MYT1: variants seen among roughly 807,000 people sequenced by gnomAD.
MYT1 encodes myelin transcription factor 1, also known as myelin transcription factor I.
Under a neutral mutation model 123.0 loss-of-function variants are expected in MYT1, and 23 were observed. The ratio of observed to expected loss-of-function variants is 0.19; its 90% CI spans 0.13 to 0.26. MYT1 has a LOEUF of 0.26. Ranked by LOEUF, MYT1 falls within the 10% of genes least tolerant of loss-of-function variation. The probability of loss-of-function intolerance (pLI) is 1.00; values close to 1 mark genes in which losing one functional copy is unlikely to be tolerated. For synonymous variants in MYT1, 518 were observed against 575.3 expected (o/e 0.90, Z 1.43); for missense variants, 1,125 against 1,472.5 (o/e 0.76, Z 3.86).
intron 1 of MYT1, among the ~76,000 whole-genome samples, chr20:64,188,045 A>G (rs1194794529): frequency 2.0e-5 from 3 of 152,216 alleles, no homozygotes; most frequent in South Asian, 2.1e-4. Context: ...TTCAGAGCCC[A>G]GGGCTGACTG....
chr20:64,235,239 G>A (rs868043930), intron 19 of MYT1, among the ~76,000 whole-genome samples: 16 of 55,840 alleles, frequency 2.9e-4, no homozygotes, highest in Non-Finnish European at 3.4e-4. Context: ...GGGGCTGGCC[G>A]TGGTATGTGA....
In MYT1 at chr20:64,167,768, C is replaced by G. The variant is rs1982126996; in HGVS notation, c.-99+3029C>G. ...CTTCCTCATCTTAGATCCTCCCCCT[C>G]TGCATTTTCCGTGTGAACTCCCTCA... On this transcript the variant is annotated intron_variant, in intron 1 of 22. Coordinates refer to ENST00000328439, the MANE Select transcript of MYT1 (RefSeq NM_004535.3). This position sits in a 1 kb window ranked among gnomAD's most constrained non-coding sequence, Gnocchi z 6.3. Among the ~76,000 whole-genome samples the G allele has an allele frequency of 6.6e-6, 1 of 152,242 alleles. No homozygotes were observed. The highest frequency in any genetic ancestry group is 2.4e-5 in the African/African-American group (1 of 41,458).
chr20:64,194,128 G>A (rs999725767), intron 2 of MYT1, among the ~76,000 whole-genome samples: 15 of 152,132 alleles, frequency 9.9e-5, no homozygotes, highest in African/African-American at 3.6e-4. Context: ...TAAATGACAT[G>A]CACTAAGCAG....
At chr20:64,224,895 G>A (rs958199013) in intron 16 of MYT1, among the ~76,000 whole-genome samples, 4 of 152,204 alleles carry the variant, frequency 2.6e-5, no homozygotes, top group African/African-American at 4.8e-5. Context: ...ATGCTTGGGC[G>A]GATGAAAGGA....
At chr20:64,223,057 TG>T in intron 14 of MYT1, 53 bp from the exon 15 acceptor site, 1 of 1,602,992 alleles carries the variant, frequency 6.2e-7, no homozygotes, top group Non-Finnish European at 8.5e-7. Context: ...AGGCTCAGCC[TG>T]GGGGGCAGGT....
At chr20:64,178,995 G>A (rs867015440) in intron 1 of MYT1, among the ~76,000 whole-genome samples, 6 of 146,128 alleles carry the variant, frequency 4.1e-5, no homozygotes, top group Middle Eastern at 3.6e-3. Flanking sequence ...ACCCTTCAAC[G>A]TGGGAGCACT....
At chr20:64,169,192 G>A (rs1982170648) in intron 1 of MYT1, among the ~76,000 whole-genome samples, 1 of 152,076 alleles carries the variant, frequency 6.6e-6, no homozygotes, top group South Asian at 2.1e-4. Flanking sequence ...GAGGAGAGTG[G>A]GAGTTTGGAT....
chr20:64,212,037 T>C lies in MYT1; in HGVS notation c.1427-11T>C. 6.2e-7 allele frequency: 1 copy of C among 1,611,354 alleles called. No homozygotes were observed. Among genetic ancestry groups the C allele is most frequent in the Non-Finnish European group, 8.5e-7 (1 of 1,177,884 alleles). The stretch of plus-strand genomic sequence containing the variant: ...CAGCCTCGGCTCCCTCCACCCCCTG[T>C]TCTCTTACAGTCTTAGCCATGCATG... On this transcript the variant is annotated splice_polypyrimidine_tract_variant and intron_variant, in intron 8 of 22. Transcript: ENST00000328439. The surrounding 1 kb of genome is among the most constrained non-coding windows in gnomAD (Gnocchi z 6.8).
intron 3 of MYT1, 121 bp downstream of exon 3, chr20:64,199,037 C>A: frequency 1.0e-6 from 1 of 982,996 alleles, no homozygotes; most frequent in Non-Finnish European, 1.5e-6. Flanking sequence ...CAGGCCTCTT[C>A]AGCCTCATTC....
Position 64,186,998 on chromosome 20 carries a change from C to T in MYT1, c.-98-3065C>T, listed in dbSNP as rs1398056198. Among the ~76,000 whole-genome samples the T allele has an allele frequency of 9.1e-5, 13 of 143,236 alleles. No homozygotes were observed. The highest frequency in any genetic ancestry group is 1.4e-4 in the Non-Finnish European group (9 of 66,260). The allele number at this position is 143,236 out of a possible 152,430, so 94.0% of individuals were successfully genotyped here. On this transcript the variant is annotated intron_variant, in intron 1 of 22. Coordinates refer to ENST00000328439, the MANE Select transcript of MYT1 (RefSeq NM_004535.3). This position sits in a 1 kb window ranked among gnomAD's most constrained non-coding sequence, Gnocchi z 4.3. ...AGAGTTTTCCTGTAGCCTGTGGCCC[C>T]GGCATCCACGTTTCCGTGGAGAGAT...
In MYT1 at chr20:64,185,290, A is replaced by C. The variant is rs1044820873; in HGVS notation, c.-98-4773A>C. On this transcript the variant is annotated intron_variant, in intron 1 of 22. Coordinates refer to ENST00000328439, the MANE Select transcript of MYT1 (RefSeq NM_004535.3). The surrounding 1 kb of genome is among the most constrained non-coding windows in gnomAD (Gnocchi z 4.5). Reference sequence around the variant, plus strand: ...AGATGGACAAGCTGGCTCAGCAGGGAGGCAAGACCCCATCTCCTGTGCTGG... The same window carrying C: ...AGATGGACAAGCTGGCTCAGCAGGGCGGCAAGACCCCATCTCCTGTGCTGG... Among the ~76,000 whole-genome samples, 1 of 152,136 alleles carries C rather than the reference A, an allele frequency of 6.6e-6. No individual in the cohort carries two copies. The highest frequency in any genetic ancestry group is 2.4e-5 in the African/African-American group (1 of 41,416).
chr20:64,166,443 G>A lies in MYT1; in HGVS notation c.-99+1704G>A, dbSNP rs1211761393. Among the ~76,000 whole-genome samples the A allele has an allele frequency of 6.6e-6, 1 of 152,168 alleles. No homozygotes were observed. Among genetic ancestry groups the A allele is most frequent in the East Asian group, 1.9e-4 (1 of 5,178 alleles). Reference sequence around the variant, plus strand: ...CTTGCTGATCCAGGAGCTTGAGCAGGAGCCACAGAGAGTTGGACAAAGAGG... The same window carrying A: ...CTTGCTGATCCAGGAGCTTGAGCAGAAGCCACAGAGAGTTGGACAAAGAGG... On this transcript the variant is annotated intron_variant, in intron 1 of 22. Coordinates refer to ENST00000328439, the MANE Select transcript of MYT1 (RefSeq NM_004535.3). The surrounding 1 kb of genome is among the most constrained non-coding windows in gnomAD (Gnocchi z 4.9).
intron 18 of MYT1, among the ~76,000 whole-genome samples, chr20:64,228,681 G>A (rs77149260): frequency 0.11 from 16,874 of 152,206 alleles, 979 homozygotes; most frequent in Middle Eastern, 0.13. Context: ...AATAGGGAAC[G>A]GGTCCCCTGC....
Position 64,231,070 on chromosome 20 carries a change from C to T in MYT1, c.2676-1094C>T, listed in dbSNP as rs906664062. ...CGCCCCCTGCTACCGTCCTCCCGAGCGCTTCCTGCGCTGACAGTGACTTCC... is the reference window on the plus strand; with the variant it reads ...CGCCCCCTGCTACCGTCCTCCCGAGTGCTTCCTGCGCTGACAGTGACTTCC... On this transcript the variant is annotated intron_variant, in intron 18 of 22. Transcript: ENST00000328439. The surrounding 1 kb of genome is among the most constrained non-coding windows in gnomAD (Gnocchi z 6.4). 2.6e-5 allele frequency among the ~76,000 whole-genome samples: 4 copies of T among 151,110 alleles called. No homozygotes were observed. The highest frequency in any genetic ancestry group is 4.4e-5 in the Non-Finnish European group (3 of 67,740).
intron 17 of MYT1, 109 bp downstream of exon 17, chr20:64,227,586 C>T (rs980420309): frequency 4.9e-6 from 5 of 1,027,428 alleles, no homozygotes; most frequent in African/African-American, 3.2e-5. Flanking sequence ...AGTCCATTCC[C>T]ATCTCTTTAA....
chr20:64,169,089 G>T (rs1248445217), intron 1 of MYT1, among the ~76,000 whole-genome samples: 4 of 152,176 alleles, frequency 2.6e-5, no homozygotes, highest in Non-Finnish European at 1.5e-5. Context: ...GGGTCAAGGC[G>T]GTTGGAGCCT....
rs1038765067 is a variant in MYT1 at position 64,186,784 on chromosome 20, G to A, written c.-98-3279G>A. Among the ~76,000 whole-genome samples, 2 of 152,064 alleles carry A rather than the reference G, an allele frequency of 1.3e-5. No homozygotes were observed. Among genetic ancestry groups the A allele is most frequent in the Admixed American group, 6.5e-5 (1 of 15,278 alleles). On this transcript the variant is annotated intron_variant, in intron 1 of 22. Transcript: ENST00000328439. The surrounding 1 kb of genome is among the most constrained non-coding windows in gnomAD (Gnocchi z 4.3). ...TGTAGCCCGTGGCCCCGGCATCCAC[G>A]TTTCCGTGGAGACTTTTCCTGTAGC... is the stretch of plus-strand genomic sequence containing the variant.
chr20:64,211,140 C>A, intron 7 of MYT1, 66 bp from the exon 8 acceptor site: 2 of 1,553,774 alleles, frequency 1.3e-6, no homozygotes, highest in Admixed American at 1.8e-5. Flanking sequence ...TCCTGAGCTA[C>A]CCCTGCCCCC....
intron 6 of MYT1, 54 bp downstream of exon 6, chr20:64,205,854 G>A (rs1983477339): frequency 6.3e-7 from 1 of 1,591,668 alleles, no homozygotes; most frequent in East Asian, 2.2e-5. Flanking sequence ...TGGCCCTGGA[G>A]AATTGCAGCC....
Sources: allele counts gnomAD v4.1 joint callset (sites outside exome capture counted in the v4.1 genomes callset), GRCh38; gene constraint gnomAD v4.1.1; non-coding constraint Gnocchi (gnomAD v3.1); transcripts MANE v1.5; gene names NCBI Gene and HGNC (gene_info 2026-07-23, HGNC 2026-07-21).